Variants in SLC10A2 observed in about 807,000 individuals in gnomAD.
SLC10A2 encodes solute carrier family 10 member 2.
A neutral mutation model predicts 27.1 loss-of-function variants in SLC10A2; 34 were observed. The ratio of observed to expected loss-of-function variants is 1.26; its 90% CI spans 0.96 to 1.67. The LOEUF (loss-of-function observed/expected upper bound fraction) is 1.67, where lower values mean the gene tolerates loss of function less well. Among genes scored for constraint, SLC10A2 ranks in the 40% most tolerant of loss-of-function variants. The pLI is 0.00. For synonymous variants in SLC10A2, 205 were observed against 174.0 expected (o/e 1.18, Z -1.40); for missense variants, 530 against 444.4 (o/e 1.19, Z -1.73).
intron 3 of SLC10A2, among the ~76,000 whole-genome samples, chr13:103,051,838 A>G (rs1459249027): frequency 2.0e-5 from 3 of 152,214 alleles, no homozygotes; most frequent in African/African-American, 4.8e-5. Context: ...TGGGGATAAA[A>G]TGTCGCCCCA....
Position 103,051,272 on chromosome 13 carries a change from C to A in SLC10A2, c.746G>T (p.Gly249Val). The part of the protein sequence containing the change: ...SLGFLLARIA[G>V]LPWYRCRTVA... ...AATGCCATACCTGTACCAGGGTAGA[C>A]CAGCAATTCTAGCCAGAAGAAACCC... Residue 249 changes from glycine (G) to valine (V), a missense_variant, in exon 4 of 6, where the codon GGT becomes GTT. Gly to Val is a moderately radical substitution (Grantham distance 109, BLOSUM62 -3). Transcript: ENST00000245312. 6.2e-7 allele frequency: 1 copy of A among 1,613,948 alleles called. No individual in the cohort carries two copies. The highest frequency in any genetic ancestry group is 8.5e-7 in the Non-Finnish European group (1 of 1,179,970).
chr13:103,052,512 C>T (rs2138915265), intron 3 of SLC10A2, 108 bp downstream of exon 3: 1 of 817,602 alleles, frequency 1.2e-6, no homozygotes, highest in Non-Finnish European at 2.2e-6. Flanking sequence ...TTCAGGCCCC[C>T]ACTCAACAGT....
At position 103,064,678 on chromosome 13, in the gene SLC10A2, T is replaced by C. The variant is rs569511814; in HGVS notation, c.377+1195A>G. ...GGTCTAAAAAGACCTTATTGCTATA[T>C]CGTGGTTCACAGATTAACTAAACCT... On this transcript the variant is annotated intron_variant, in intron 1 of 5. Coordinates refer to ENST00000245312, the MANE Select transcript of SLC10A2 (RefSeq NM_000452.3). Among the ~76,000 whole-genome samples, 14 of 152,274 alleles carry C rather than the reference T, an allele frequency of 9.2e-5. 1 individual carries two copies. Among genetic ancestry groups the C allele is most frequent in the East Asian group, 5.8e-4 (3 of 5,186 alleles).
Position 103,046,086 on chromosome 13 carries a change from G to A in SLC10A2, c.*47C>T, listed in dbSNP as rs199939905. 144 of 1,605,554 alleles carry A rather than the reference G, an allele frequency of 9.0e-5. No individual in the cohort carries two copies. Among genetic ancestry groups the A allele is most frequent in the Middle Eastern group, 1.7e-4 (1 of 6,056 alleles). ...AAAACAAATAATTAAATATAGTTAC[G>A]GTTTAAGAACGTAATTTGGAACTCG... is the stretch of plus-strand genomic sequence containing the variant. On this transcript the variant is annotated 3_prime_UTR_variant, in exon 6 of 6. Transcript: ENST00000245312.
intron 3 of SLC10A2, 60 bp from the exon 4 acceptor site, chr13:103,051,492 T>A: frequency 6.3e-7 from 1 of 1,575,836 alleles, no homozygotes; most frequent in Non-Finnish European, 8.7e-7. Context: ...TCCAAGTATG[T>A]TTGTCAGAGA....
Position 103,059,783 on chromosome 13 carries a change from G to C in SLC10A2, c.378-1401C>G, listed in dbSNP as rs189287490. Among the ~76,000 whole-genome samples, 94 of 152,312 alleles carry C rather than the reference G, an allele frequency of 6.2e-4. 1 individual carries two copies. The East Asian group carries it at 7.3e-3, about 12-fold the overall frequency. On this transcript the variant is annotated intron_variant, in intron 1 of 5. Transcript: ENST00000245312. ...TGGAATGGGCCTCCCTGGGCCCCTG[G>C]AATAGAATGCATGTCCGAGGGAGGA...
chr13:103,046,122 C>T lies in SLC10A2; in HGVS notation c.*11G>A, dbSNP rs990507508. Reference sequence around the variant, plus strand: ...GTAATTTGGAACTCGTCTGTTTTGTCCACTTGATGTCTACTTTTCGTCAGG... The same window carrying T: ...GTAATTTGGAACTCGTCTGTTTTGTTCACTTGATGTCTACTTTTCGTCAGG... On this transcript the variant is annotated 3_prime_UTR_variant, in exon 6 of 6. Coordinates refer to ENST00000245312, the MANE Select transcript of SLC10A2 (RefSeq NM_000452.3). 6.2e-7 allele frequency: 1 copy of T among 1,613,414 alleles called. No homozygotes were observed. The highest frequency in any genetic ancestry group is 8.5e-7 in the Non-Finnish European group (1 of 1,179,670).
At chr13:103,063,634 T>C (rs61705793) in intron 1 of SLC10A2, among the ~76,000 whole-genome samples, 76 of 152,362 alleles carry the variant, frequency 5.0e-4, no homozygotes, top group African/African-American at 1.7e-3. Context: ...AAAGAAATAT[T>C]GGAATATTGT....
chr13:103,055,047 G>A (rs1875902480), intron 2 of SLC10A2, among the ~76,000 whole-genome samples: 1 of 152,158 alleles, frequency 6.6e-6, no homozygotes, highest in African/African-American at 2.4e-5. Flanking sequence ...GAGTGGTGGT[G>A]AATGGATTCA....
At chr13:103,049,771 T>C (rs564779634) in intron 4 of SLC10A2, among the ~76,000 whole-genome samples, 2 of 152,248 alleles carry the variant, frequency 1.3e-5, no homozygotes, top group African/African-American at 4.8e-5. Flanking sequence ...TTGGTAACAG[T>C]GTAGAGCACA....
intron 2 of SLC10A2, among the ~76,000 whole-genome samples, chr13:103,053,738 A>G (rs1194088335): frequency 6.6e-6 from 1 of 152,206 alleles, no homozygotes; most frequent in African/African-American, 2.4e-5. Context: ...TGCAATAATG[A>G]TGAAAACATA....
intron 3 of SLC10A2, among the ~76,000 whole-genome samples, chr13:103,052,215 A>T (rs1875803584): frequency 6.6e-6 from 1 of 152,304 alleles, no homozygotes; most frequent in East Asian, 1.9e-4. Flanking sequence ...AACTCACATA[A>T]CAGAGATAAC....
At position 103,066,220 on chromosome 13, in the gene SLC10A2, A is replaced by G. The variant is rs1275212533; in HGVS notation, c.30T>C (p.Asn10=). The G allele has an allele frequency of 6.2e-7, 1 of 1,613,266 alleles. No individual in the cohort carries two copies. The highest frequency in any genetic ancestry group is 2.2e-5 in the East Asian group (1 of 44,858). Residue 10 remains asparagine (N), a synonymous_variant, in exon 1 of 6, where the codon AAT becomes AAC. Coordinates refer to ENST00000245312, the MANE Select transcript of SLC10A2 (RefSeq NM_000452.3). ...AGGATGCACCAGAGCAAACTGTTGC[A>G]TTGTCCACACAGCTGTTCGGATCAT... MNDPNSCVD[N]ATVCSGASCV... is the part of the protein sequence containing the mutation.
At position 103,060,425 on chromosome 13, in the gene SLC10A2, C is replaced by T. The variant is rs1049897749; in HGVS notation, c.378-2043G>A. Among the ~76,000 whole-genome samples, 26 of 148,910 alleles carry T rather than the reference C, an allele frequency of 1.7e-4. No homozygotes were observed. The Admixed American group carries it at 1.7e-3, about 10-fold the overall frequency. On this transcript the variant is annotated intron_variant, in intron 1 of 5. Transcript: ENST00000245312. ...TTTTAAATAGGGTCTCTCTCTGTCA[C>T]CCAGGCCAGAGTACAGGGTCACCAA... is the stretch of plus-strand genomic sequence containing the variant.
chr13:103,052,191 T>C (rs932492290), intron 3 of SLC10A2, among the ~76,000 whole-genome samples: 6 of 152,340 alleles, frequency 3.9e-5, no homozygotes, highest in South Asian at 2.1e-4. Context: ...CATTTAGATA[T>C]ATTGTATAAC....
intron 2 of SLC10A2, among the ~76,000 whole-genome samples, chr13:103,056,925 T>C (rs189496044): frequency 2.0e-5 from 3 of 152,272 alleles, no homozygotes; most frequent in Admixed American, 2.0e-4. Flanking sequence ...CATCCCCAAT[T>C]AGTATTCACA....
intron 4 of SLC10A2, among the ~76,000 whole-genome samples, chr13:103,051,040 C>T (rs1415930448): frequency 1.3e-5 from 2 of 152,066 alleles, no homozygotes; most frequent in African/African-American, 2.4e-5. Flanking sequence ...CTGCAAGCCA[C>T]GAGGAAGGCC....
At chr13:103,060,963 G>T (rs540532060) in intron 1 of SLC10A2, among the ~76,000 whole-genome samples, 3 of 152,170 alleles carry the variant, frequency 2.0e-5, no homozygotes, top group Non-Finnish European at 4.4e-5. Context: ...AGTTAAATTT[G>T]CACAGTTTGG....
At chr13:103,065,733 A>C in intron 1 of SLC10A2, 140 bp downstream of exon 1, 18 of 898,888 alleles carry the variant, frequency 2.0e-5, no homozygotes, top group Non-Finnish European at 2.9e-5. Flanking sequence ...AAGGCACGGG[A>C]ATGCATTTAT....
Sources: allele counts gnomAD v4.1 joint callset (sites outside exome capture counted in the v4.1 genomes callset), GRCh38; gene constraint gnomAD v4.1.1; transcripts MANE v1.5; gene names NCBI Gene and HGNC (gene_info 2026-07-23, HGNC 2026-07-21).